Variants in ZNF385D observed in about 807,000 individuals in gnomAD.
ZNF385D encodes zinc finger protein 385D.
Under a neutral mutation model 35.8 loss-of-function variants are expected in ZNF385D, and 15 were observed. That is an observed-to-expected ratio of 0.42 (90% CI 0.28 to 0.64). The LOEUF (loss-of-function observed/expected upper bound fraction) is 0.64, where lower values mean the gene tolerates loss of function less well. Ranked by LOEUF, ZNF385D falls within the 30% of genes least tolerant of loss-of-function variation. The pLI is 0.23. For missense variants in ZNF385D, 474 were observed against 494.6 expected (o/e 0.96, Z 0.39); for synonymous variants, 212 against 186.8 (o/e 1.13, Z -1.10).
chr3:21,496,321 A>G (rs1026741198), intron 4 of ZNF385D, among the ~76,000 whole-genome samples: 47 of 146,504 alleles, frequency 3.2e-4, no homozygotes, highest in African/African-American at 1.1e-3. Context: ...TTTACTCTTT[A>G]TCTCTGCCAA....
chr3:21,644,053 ACT>A (rs2065681609), intron 2 of ZNF385D, among the ~76,000 whole-genome samples: 1 of 152,068 alleles, frequency 6.6e-6, no homozygotes, highest in Non-Finnish European at 1.5e-5. Flanking sequence ...AGGTATAGTA[ACT>A]CTTCATTGAA....
intron 3 of ZNF385D, among the ~76,000 whole-genome samples, chr3:22,011,921 G>A (rs757153572): frequency 1.3e-5 from 2 of 151,974 alleles, no homozygotes; most frequent in African/African-American, 2.4e-5. Flanking sequence ...TTCAATAAAA[G>A]GGCCTAAGCA....
chr3:21,640,082 C>T (rs865874937), intron 2 of ZNF385D, among the ~76,000 whole-genome samples: 13 of 151,574 alleles, frequency 8.6e-5, no homozygotes, highest in Admixed American at 5.3e-4. Flanking sequence ...TTCTTTCTTT[C>T]TTTAAAGTTT....
intron 2 of ZNF385D, among the ~76,000 whole-genome samples, chr3:21,580,853 T>G (rs915673383): frequency 6.6e-6 from 1 of 152,164 alleles, no homozygotes; most frequent in Non-Finnish European, 1.5e-5. Flanking sequence ...CTGATTTATG[T>G]AACCATATTT....
intron 2 of ZNF385D, among the ~76,000 whole-genome samples, chr3:22,270,635 G>T (rs115773474): frequency 6.6e-6 from 1 of 151,494 alleles, no homozygotes; most frequent in African/African-American, 2.4e-5. Context: ...GCACATAGAG[G>T]CTATAAAGCT....
chr3:21,592,986 G>T (rs1425181793), intron 2 of ZNF385D, among the ~76,000 whole-genome samples: 1 of 152,148 alleles, frequency 6.6e-6, no homozygotes, highest in Non-Finnish European at 1.5e-5. Context: ...GCTTCTGACC[G>T]ACTTGGAAAT....
intron 2 of ZNF385D, among the ~76,000 whole-genome samples, chr3:21,592,552 AAAACC>A (rs1279328903): frequency 1.4e-4 from 15 of 106,260 alleles, no homozygotes; most frequent in East Asian, 3.7e-4. Flanking sequence ...GCAAAAAAAA[AAAACC>A]AAAAACAAAA....
intron 3 of ZNF385D, among the ~76,000 whole-genome samples, chr3:22,084,827 T>C (rs1700941780): frequency 6.6e-6 from 1 of 152,180 alleles, no homozygotes. Flanking sequence ...TAGTTGGAAG[T>C]AAAGCACTCC....
chr3:21,961,019 T>C (rs1042289974), intron 3 of ZNF385D, among the ~76,000 whole-genome samples: 1 of 152,216 alleles, frequency 6.6e-6, no homozygotes, highest in South Asian at 2.1e-4. Flanking sequence ...TAGGTTGATA[T>C]GGTTAACTAT....
intron 1 of ZNF385D, among the ~76,000 whole-genome samples, chr3:21,702,173 T>C (rs1379659124): frequency 6.6e-6 from 1 of 152,226 alleles, no homozygotes; most frequent in East Asian, 1.9e-4. Flanking sequence ...CAGCAAACTT[T>C]TGCCTGGGCA....
At chr3:22,001,372 C>T (rs535067958) in intron 3 of ZNF385D, among the ~76,000 whole-genome samples, 44 of 151,694 alleles carry the variant, frequency 2.9e-4, no homozygotes, top group Non-Finnish European at 5.9e-4. Context: ...AAGTCAAAAA[C>T]AGTAAAAAGA....
intron 3 of ZNF385D, among the ~76,000 whole-genome samples, chr3:22,021,736 G>A (rs114315348): frequency 0.034 from 5,118 of 152,098 alleles, 272 homozygotes; most frequent in African/African-American, 0.12. Flanking sequence ...GGAAAGCCTG[G>A]TTCTTTCCAA....
intron 3 of ZNF385D, among the ~76,000 whole-genome samples, chr3:21,908,120 A>T (rs1575886210): frequency 2.7e-5 from 1 of 37,192 alleles, no homozygotes; most frequent in East Asian, 9.0e-4. Context: ...TTCTCTCTAT[A>T]TCTATCTATC....
intron 3 of ZNF385D, among the ~76,000 whole-genome samples, chr3:21,920,266 A>T (rs1559754716): frequency 6.6e-6 from 1 of 152,166 alleles, no homozygotes; most frequent in African/African-American, 2.4e-5. Flanking sequence ...GTGACTTAAC[A>T]CTATGACCAG....
Position 21,569,643 on chromosome 3 carries a change from G to T in ZNF385D, c.166-4959C>A, listed in dbSNP as rs911504380. On this transcript the variant is annotated intron_variant, in intron 2 of 7. Coordinates refer to ENST00000281523, the MANE Select transcript of ZNF385D (RefSeq NM_024697.3). The stretch of plus-strand genomic sequence containing the variant: ...GTTATTTTGCTCGTTAGTTGATGCA[G>T]TTTCTTCCTCGTCTCGATGGTCTTT... Among the ~76,000 whole-genome samples, 3 of 151,024 alleles carry T rather than the reference G, an allele frequency of 2.0e-5. No individual in the cohort carries two copies. The Admixed American group carries it at 2.0e-4, about 10-fold the overall frequency.
At chr3:22,205,153 A>G (rs1244971993) in intron 2 of ZNF385D, among the ~76,000 whole-genome samples, 1 of 152,072 alleles carries the variant, frequency 6.6e-6, no homozygotes, top group South Asian at 2.1e-4. Flanking sequence ...ATGAAGCTCC[A>G]AAATATCTGG....
At chr3:22,015,066 A>T (rs1449551037) in intron 3 of ZNF385D, among the ~76,000 whole-genome samples, 1 of 152,078 alleles carries the variant, frequency 6.6e-6, no homozygotes, top group Non-Finnish European at 1.5e-5. Context: ...AATTATACAC[A>T]GCTGTGGCCA....
chr3:21,479,094 CAT>C (rs552086045), intron 4 of ZNF385D, among the ~76,000 whole-genome samples: 1 of 149,590 alleles, frequency 6.7e-6, no homozygotes, highest in East Asian at 2.0e-4. Context: ...CAGATAAAAA[CAT>C]AAAGTATAAA....
Position 21,760,291 on chromosome 3 carries a change from C to A in ZNF385D, c.326-95263G>T, listed in dbSNP as rs2070543735. Among the ~76,000 whole-genome samples the A allele has an allele frequency of 2.6e-5, 4 of 152,184 alleles. 1 individual carries two copies. In the South Asian group the frequency reaches 8.3e-4, roughly 31 times the overall value. On this transcript the variant is annotated intron_variant, in intron 3 of 5. Transcript: ENST00000494108. ...TGCAGCGTTACCCAAAGGAACTCTG[C>A]ACAGCCATACGTGAATACAACTGGA...
Sources: allele counts gnomAD v4.1 joint callset (sites outside exome capture counted in the v4.1 genomes callset), GRCh38; gene constraint gnomAD v4.1.1; transcripts MANE v1.5; gene names NCBI Gene and HGNC (gene_info 2026-07-23, HGNC 2026-07-21).